Variants in GALNT10 observed in about 807,000 individuals in gnomAD.
GALNT10 encodes the protein polypeptide N-acetylgalactosaminyltransferase 10, also known as GalNAc transferase 10.
In GALNT10, 41 loss-of-function variants were observed where a neutral mutation model predicts 75.0. That is an observed-to-expected ratio of 0.55 (90% confidence interval 0.43 to 0.71). The LOEUF (loss-of-function observed/expected upper bound fraction) is 0.71, where lower values mean the gene tolerates loss of function less well. Ranked by LOEUF, GALNT10 falls within the 30% of genes least tolerant of loss-of-function variation. GALNT10 has a pLI of 0.00. For missense variants in GALNT10, 727 were observed against 818.5 expected, an observed-to-expected ratio of 0.89 and a Z score of 1.36; for synonymous variants, 302 against 313.0, an observed-to-expected ratio of 0.96 and a Z score of 0.37.
At chr5:154,338,149 G>A (rs113684016) in intron 4 of GALNT10, 57,725 of 850,106 alleles carry the variant, frequency 0.068, 2,235 homozygotes, top group Middle Eastern at 0.14. Context: ...TTTGAGAATC[G>A]CCTCTTGAGA....
intron 1 of GALNT10, among the ~76,000 whole-genome samples, chr5:154,241,447 G>A (rs1312552417): frequency 6.6e-6 from 1 of 152,038 alleles, no homozygotes; most frequent in Non-Finnish European, 1.5e-5. Flanking sequence ...GATAACCATA[G>A]TTGCATTGCA....
At chr5:154,394,029 C>T (rs1258607986) in intron 7 of GALNT10, among the ~76,000 whole-genome samples, 1 of 152,170 alleles carries the variant, frequency 6.6e-6, no homozygotes, top group Non-Finnish European at 1.5e-5. Flanking sequence ...GCAGGGTCTG[C>T]TCCAAGAGGC....
intron 1 of GALNT10, among the ~76,000 whole-genome samples, chr5:154,199,669 G>C (rs1246380291): frequency 6.6e-6 from 1 of 152,164 alleles, no homozygotes; most frequent in Non-Finnish European, 1.5e-5. Context: ...CAAGGATGAG[G>C]TAGGTGCCTC....
intron 4 of GALNT10, among the ~76,000 whole-genome samples, chr5:154,348,068 G>A (rs950225221): frequency 5.3e-5 from 8 of 152,232 alleles, no homozygotes; most frequent in African/African-American, 1.9e-4. Flanking sequence ...TTCCTGCATA[G>A]AGCCAGAAGA....
intron 1 of GALNT10, among the ~76,000 whole-genome samples, chr5:154,199,074 T>C (rs974245811): frequency 6.6e-6 from 1 of 152,094 alleles, no homozygotes; most frequent in Non-Finnish European, 1.5e-5. Flanking sequence ...GCTGAGGGGG[T>C]GAGTGAGTAA....
intron 4 of GALNT10, among the ~76,000 whole-genome samples, chr5:154,334,741 A>G (rs984833086): frequency 6.6e-6 from 1 of 152,210 alleles, no homozygotes; most frequent in Non-Finnish European, 1.5e-5. Flanking sequence ...ACATGTAGGA[A>G]ATGGTTCCCA....
intron 4 of GALNT10, among the ~76,000 whole-genome samples, chr5:154,368,264 C>A (rs1048680319): frequency 6.6e-6 from 1 of 152,234 alleles, no homozygotes; most frequent in Non-Finnish European, 1.5e-5. Flanking sequence ...GATCCTGGCA[C>A]AGCAGGAGCT....
chr5:154,334,109 G>A (rs1304373958), intron 4 of GALNT10, among the ~76,000 whole-genome samples: 2 of 152,224 alleles, frequency 1.3e-5, no homozygotes, highest in African/African-American at 4.8e-5. Context: ...AGCTAGATTG[G>A]CACTGCCTAG....
chr5:154,406,362 T>C (rs189302207), intron 8 of GALNT10: 41 of 152,384 alleles, frequency 2.7e-4, no homozygotes, highest in African/African-American at 9.9e-4. Context: ...TGGTGCCTCA[T>C]GGCTTCTTCC....
chr5:154,389,025 T>C (rs1755852764), intron 7 of GALNT10: 1 of 151,710 alleles, frequency 6.6e-6, no homozygotes. Context: ...CCAACTCTGA[T>C]CCATTGGTAG....
chr5:154,243,640 G>A (rs983943032), intron 1 of GALNT10, among the ~76,000 whole-genome samples: 1 of 152,194 alleles, frequency 6.6e-6, no homozygotes, highest in Non-Finnish European at 1.5e-5. Context: ...TCTTTCTCAT[G>A]TGGTCATCAT....
At chr5:154,211,591 A>G (rs1315817341) in intron 1 of GALNT10, among the ~76,000 whole-genome samples, 1 of 152,180 alleles carries the variant, frequency 6.6e-6, no homozygotes, top group Non-Finnish European at 1.5e-5. Flanking sequence ...TAACACAACA[A>G]ACATTTGTTA....
intron 1 of GALNT10, among the ~76,000 whole-genome samples, chr5:154,228,742 G>A (rs547512143): frequency 3.9e-5 from 6 of 152,324 alleles, no homozygotes; most frequent in South Asian, 2.1e-4. Flanking sequence ...CCCACCTTGC[G>A]TGGACTCTGG....
intron 3 of GALNT10, among the ~76,000 whole-genome samples, chr5:154,321,182 GC>G (rs2113107090): frequency 6.6e-6 from 1 of 152,264 alleles, no homozygotes; most frequent in South Asian, 2.1e-4. Context: ...ACGTTTTGAT[GC>G]ATTTCAAAGT....
chr5:154,196,552 G>A (rs928974940), intron 1 of GALNT10, among the ~76,000 whole-genome samples: 3 of 152,118 alleles, frequency 2.0e-5, no homozygotes, highest in African/African-American at 7.2e-5. Context: ...CTTTCTCTGT[G>A]TGTTGGCTTT....
rs150331885 is a variant in GALNT10 at position 154,284,855 on chromosome 5, C to T, written c.160-9961C>T. 7.2e-5 allele frequency among the ~76,000 whole-genome samples: 11 copies of T among 152,320 alleles called. No individual in the cohort carries two copies. The East Asian group carries it at 7.7e-4, about 11-fold the overall frequency. On this transcript the variant is annotated intron_variant, in intron 1 of 11. Coordinates refer to ENST00000297107, the MANE Select transcript of GALNT10 (RefSeq NM_198321.4). ...ATGTGGTGGTTGGCAGTTTGCAAAACGCTTTCATATCGATTTTCTCTCCAA... is the reference window on the plus strand; with the variant it reads ...ATGTGGTGGTTGGCAGTTTGCAAAATGCTTTCATATCGATTTTCTCTCCAA...
chr5:154,383,110 T>C (rs1007895731), intron 6 of GALNT10, among the ~76,000 whole-genome samples: 3 of 152,218 alleles, frequency 2.0e-5, no homozygotes, highest in Non-Finnish European at 4.4e-5. Context: ...CAGTCACTGG[T>C]GTAGATGCTT....
intron 1 of GALNT10, among the ~76,000 whole-genome samples, chr5:154,246,273 G>A (rs560188793): frequency 2.6e-5 from 4 of 152,282 alleles, no homozygotes; most frequent in African/African-American, 9.6e-5. Flanking sequence ...AAACATACGT[G>A]TGCATGTGTC....
rs1194069761 is a variant in GALNT10 at position 154,348,764 on chromosome 5, GA to G, written c.568+19027del. Among the ~76,000 whole-genome samples, 6 of 152,298 alleles carry G rather than the reference GA, an allele frequency of 3.9e-5. No individual in the cohort carries two copies. In the South Asian group the frequency reaches 1.2e-3, roughly 32 times the overall value. ...CAAGCTTTAAATCCTAGGACCCTATGATGACTTTCTTCACCTCTTCCCTAGA... is the reference window on the plus strand; with the variant it reads ...CAAGCTTTAAATCCTAGGACCCTATGTGACTTTCTTCACCTCTTCCCTAGA... On this transcript the variant is annotated intron_variant, in intron 4 of 11. Transcript: ENST00000297107.
Sources: allele counts gnomAD v4.1 joint callset (sites outside exome capture counted in the v4.1 genomes callset), GRCh38; gene constraint gnomAD v4.1.1; transcripts MANE v1.5; gene names NCBI Gene and HGNC (gene_info 2026-07-23, HGNC 2026-07-21).